Variants in CDH23 observed in about 807,000 individuals in gnomAD.
The protein encoded by CDH23 is cadherin related 23, also known as cadherin-23.
Under a neutral mutation model 317.1 loss-of-function variants are expected in CDH23, and 189 were observed. The observed-to-expected ratio is 0.60, with a 90% CI of 0.53 to 0.67. The LOEUF is 0.67. Ranked by LOEUF, CDH23 falls within the 30% of genes least tolerant of loss-of-function variation. The pLI, the probability that CDH23 is intolerant of heterozygous loss-of-function variation, is 0.00. For synonymous variants in CDH23, 1,839 were observed against 1,876.8 expected (o/e 0.98, Z 0.52); for missense variants, 4,401 against 4,592.4 (o/e 0.96, Z 1.20).
chr10:71,804,342 C>T lies in CDH23; in HGVS notation c.7872+922C>T, dbSNP rs552227779. On this transcript the variant is annotated intron_variant, in intron 55 of 69. Transcript: ENST00000224721. ...GAATCTCTCCAGGTCTTCCACTTCTCGGTCTAAATTGCCATATAAAGATAG... is the reference window on the plus strand; with the variant it reads ...GAATCTCTCCAGGTCTTCCACTTCTTGGTCTAAATTGCCATATAAAGATAG... Among the ~76,000 whole-genome samples, 19 of 152,294 alleles carry T rather than the reference C, an allele frequency of 1.2e-4. 1 individual carries two copies. Among genetic ancestry groups the T allele is most frequent in the African/African-American group, 4.1e-4 (17 of 41,564 alleles).
chr10:71,751,527 C>T lies in CDH23; in HGVS notation c.4845+9606C>T, dbSNP rs1840002216. On this transcript the variant is annotated intron_variant, in intron 38 of 69. Coordinates refer to ENST00000224721, the MANE Select transcript of CDH23 (RefSeq NM_022124.6). This position sits in a 1 kb window ranked among gnomAD's most constrained non-coding sequence, Gnocchi z 4.9. Reference sequence around the variant, plus strand: ...AACTCTTCAGGGAGGTGAATGGGGGCCCCTCTGTCCCTCACCCTCAACCCC... The same window carrying T: ...AACTCTTCAGGGAGGTGAATGGGGGTCCCTCTGTCCCTCACCCTCAACCCC... 1.7e-6 allele frequency: 1 copy of T among 598,368 alleles called. No homozygotes were observed. Among genetic ancestry groups the T allele is most frequent in the Non-Finnish European group, 2.9e-6 (1 of 346,752 alleles). The allele number at this position is 598,368 out of a possible 1,614,324, so 37.1% of individuals were successfully genotyped here.
intron 38 of CDH23, among the ~76,000 whole-genome samples, chr10:71,765,450 G>T (rs1044099314): frequency 1.3e-5 from 2 of 152,224 alleles, no homozygotes; most frequent in Non-Finnish European, 2.9e-5. Flanking sequence ...CCCTCAAGTG[G>T]ACAGAGGTGT....
chr10:71,409,402 G>A (rs1002710472), intron 1 of CDH23, among the ~76,000 whole-genome samples: 8 of 152,170 alleles, frequency 5.3e-5, no homozygotes, highest in African/African-American at 1.9e-4. Context: ...GGAACTGAGA[G>A]GAAACTGTAC....
rs114924991 is a variant in CDH23 at position 71,507,184 on chromosome 10, C to T, written c.146-2898C>T. 6.7e-3 allele frequency among the ~76,000 whole-genome samples: 1,016 copies of T among 152,272 alleles called. 11 individuals carry two copies. The highest frequency in any genetic ancestry group is 0.019 in the African/African-American group (791 of 41,544). On this transcript the variant is annotated intron_variant, in intron 3 of 69. Coordinates refer to ENST00000224721, the MANE Select transcript of CDH23 (RefSeq NM_022124.6). ...CCAGGGGGCTGCAGGCTGCCATGGACTCATTGTTGCACCTGGACAAGCAAG... is the reference window on the plus strand; with the variant it reads ...CCAGGGGGCTGCAGGCTGCCATGGATTCATTGTTGCACCTGGACAAGCAAG...
At position 71,476,376 on chromosome 10, in the gene CDH23, T is replaced by C. The variant is rs145472878; in HGVS notation, c.145+29981T>C. ...AGTATCTCTAGCCCAGGCTTCTCAC[T>C]GTATTGAGAAGGAACCCAGGGCCCG... On this transcript the variant is annotated intron_variant, in intron 3 of 69. Coordinates refer to ENST00000224721, the MANE Select transcript of CDH23 (RefSeq NM_022124.6). Among the ~76,000 whole-genome samples, 818 of 152,280 alleles carry C rather than the reference T, an allele frequency of 5.4e-3. 6 individuals carry two copies. The highest frequency in any genetic ancestry group is 0.019 in the African/African-American group (775 of 41,542).
At chr10:71,790,692 C>A in intron 46 of CDH23, 1 of 507,668 alleles carries the variant, frequency 2.0e-6, no homozygotes, top group South Asian at 2.3e-5. Context: ...CGTCATCTCC[C>A]CATGCGCAGG....
intron 6 of CDH23, among the ~76,000 whole-genome samples, chr10:71,563,750 T>C (rs1456729866): frequency 6.6e-6 from 1 of 151,558 alleles, no homozygotes; most frequent in Non-Finnish European, 1.5e-5. Context: ...TTTTTTCTTT[T>C]TTTTTTTTTC....
intron 6 of CDH23, among the ~76,000 whole-genome samples, chr10:71,562,133 C>G (rs913848040): frequency 6.6e-6 from 1 of 151,680 alleles, no homozygotes; most frequent in South Asian, 2.1e-4. Flanking sequence ...CCAAGCCCCA[C>G]CCCAGACGCC....
At chr10:71,501,961 G>T (rs1853361737) in intron 3 of CDH23, among the ~76,000 whole-genome samples, 1 of 152,220 alleles carries the variant, frequency 6.6e-6, no homozygotes, top group Admixed American at 6.5e-5. Context: ...CCGTGGCCTT[G>T]GAATTTGAGG....
intron 1 of CDH23, among the ~76,000 whole-genome samples, chr10:71,408,814 T>C (rs181012442): frequency 9.2e-5 from 14 of 152,302 alleles, no homozygotes; most frequent in African/African-American, 3.1e-4. Flanking sequence ...CAGAGGGGAA[T>C]GGGAAAGGCC....
intron 9 of CDH23, among the ~76,000 whole-genome samples, chr10:71,590,028 C>A (rs1859362264): frequency 6.6e-6 from 1 of 152,226 alleles, no homozygotes; most frequent in African/African-American, 2.4e-5. Flanking sequence ...AGCAGGCTGG[C>A]TGTAAGCCCA....
At chr10:71,579,959 G>A (rs1161025276) in intron 9 of CDH23, among the ~76,000 whole-genome samples, 2 of 152,280 alleles carry the variant, frequency 1.3e-5, no homozygotes, top group Non-Finnish European at 1.5e-5. Context: ...CACAGCCTCC[G>A]GGCTGGTTCC....
chr10:71,810,105 G>T, intron 61 of CDH23, 29 bp downstream of exon 61: 1 of 1,607,044 alleles, frequency 6.2e-7, no homozygotes, highest in African/African-American at 1.3e-5. Context: ...CGGGGCCGGG[G>T]CAGTGGAGGG....
chr10:71,775,713 A>G (rs1840801674), intron 38 of CDH23, among the ~76,000 whole-genome samples: 2 of 151,812 alleles, frequency 1.3e-5, no homozygotes, highest in African/African-American at 4.8e-5. Context: ...CCAAGGCCCA[A>G]CTCTGTTCAA....
rs1271673189 is a variant in CDH23 at position 71,800,713 on chromosome 10, C to T, written c.7440C>T (p.Asn2480=). 1 of 1,613,970 alleles carries T rather than the reference C, an allele frequency of 6.2e-7. No individual in the cohort carries two copies. The highest frequency in any genetic ancestry group is 1.7e-5 in the Admixed American group (1 of 60,012). The part of the protein sequence containing the change: ...HYILTALAKD[N]PGDVASNRRE... ...TCCTGACTGCCTTGGCCAAAGACAACCCTGGGGATGTAGCCAGCAACCGTC... is the reference window on the plus strand; with the variant it reads ...TCCTGACTGCCTTGGCCAAAGACAATCCTGGGGATGTAGCCAGCAACCGTC... Residue 2480 remains asparagine, a synonymous_variant, in exon 53 of 70, where the codon AAC becomes AAT. Coordinates refer to ENST00000224721, the MANE Select transcript of CDH23 (RefSeq NM_022124.6).
chr10:71,740,984 A>G (rs2132846384), intron 37 of CDH23, 34 bp downstream of exon 37: 1 of 1,612,944 alleles, frequency 6.2e-7, no homozygotes, highest in Non-Finnish European at 8.5e-7. Flanking sequence ...ATAGCTGGAC[A>G]TACGGGGGGA....
At chr10:71,427,748 T>C (rs1457066659) in intron 1 of CDH23, among the ~76,000 whole-genome samples, 2 of 151,518 alleles carry the variant, frequency 1.3e-5, no homozygotes, top group African/African-American at 4.9e-5. Flanking sequence ...AGTCTCACTC[T>C]GTTGCCCAGG....
At position 71,725,395 on chromosome 10, in the gene CDH23, AT is replaced by A; in HGVS notation, c.3455del (p.Ile1152ThrfsTer8). On this transcript the variant is annotated frameshift_variant, in exon 30 of 70. Coordinates refer to ENST00000224721, the MANE Select transcript of CDH23 (RefSeq NM_022124.6). LOFTEE classifies it high-confidence loss of function. ...AGGTAACCATGGCAACAACTTCCGG[AT>A]CCATGTCAGCAATGGGCTCCTGATG... The part of the protein sequence containing the change: ...LHGNHGNNFR[I>X]HVSNGLLMRG... 6.2e-7 allele frequency: 1 copy of A among 1,613,926 alleles called. No homozygotes were observed. The highest frequency in any genetic ancestry group is 8.5e-7 in the Non-Finnish European group (1 of 1,179,866).
intron 11 of CDH23, among the ~76,000 whole-genome samples, chr10:71,636,422 T>C (rs1426269242): frequency 6.6e-6 from 1 of 151,992 alleles, no homozygotes; most frequent in Non-Finnish European, 1.5e-5. Context: ...TTGAGAGGAT[T>C]GCTTGAGCCC....
Sources: gnomAD v4.1 joint callset for allele counts (sites outside exome capture counted in the v4.1 genomes callset) on GRCh38, gnomAD v4.1.1 for gene constraint, Gnocchi (gnomAD v3.1) non-coding constraint, MANE v1.5 for transcripts, NCBI Gene and HGNC (gene_info 2026-07-23, HGNC 2026-07-21) for gene names.